PEX5L: variants seen among roughly 807,000 people sequenced by gnomAD.
PEX5L encodes the protein PEX5-related protein.
PEX5L carries 30 observed loss-of-function variants against 84.0 expected under a neutral mutation model. The ratio of observed to expected loss-of-function variants is 0.36; its 90% CI spans 0.27 to 0.48. The LOEUF is 0.48. Ranked by LOEUF, PEX5L falls within the 20% of genes least tolerant of loss-of-function variation. PEX5L has a pLI of 0.99. For missense variants in PEX5L, 533 were observed against 754.6 expected, an observed-to-expected ratio of 0.71 and a Z score of 3.44; for synonymous variants, 270 against 283.1, an observed-to-expected ratio of 0.95 and a Z score of 0.46.
At chr3:179,871,558 T>C (rs1003979708) in intron 7 of PEX5L, among the ~76,000 whole-genome samples, 1 of 152,234 alleles carries the variant, frequency 6.6e-6, no homozygotes, top group Non-Finnish European at 1.5e-5. Context: ...GGCCTAAAGA[T>C]TTCTCTGTAC....
At chr3:180,018,994 A>C (rs1032510787) in intron 1 of PEX5L, among the ~76,000 whole-genome samples, 3 of 152,208 alleles carry the variant, frequency 2.0e-5, no homozygotes, top group African/African-American at 4.8e-5. Flanking sequence ...TTTATTTCAC[A>C]ATCAGGTGTG....
At chr3:179,991,488 GC>G (rs1787370338) in intron 1 of PEX5L, among the ~76,000 whole-genome samples, 1 of 152,112 alleles carries the variant, frequency 6.6e-6, no homozygotes, top group African/African-American at 2.4e-5. Flanking sequence ...TTCCTGAGCT[GC>G]CCAAGGTCTC....
intron 3 of PEX5L, among the ~76,000 whole-genome samples, chr3:179,896,493 C>G (rs1039398906): frequency 6.6e-6 from 1 of 152,056 alleles, no homozygotes. Context: ...ATCACAATTT[C>G]TTTTCTAAAT....
intron 1 of PEX5L, among the ~76,000 whole-genome samples, chr3:180,024,156 G>T (rs1294727017): frequency 6.6e-6 from 1 of 151,706 alleles, no homozygotes; most frequent in Non-Finnish European, 1.5e-5. Flanking sequence ...CTTTTAGAAA[G>T]ACCTCTGTGT....
At chr3:179,825,686 G>T (rs1730217948) in intron 8 of PEX5L, among the ~76,000 whole-genome samples, 1 of 152,144 alleles carries the variant, frequency 6.6e-6, no homozygotes, top group South Asian at 2.1e-4. Context: ...GGTAAAACAG[G>T]CTGTAATTCT....
chr3:179,994,116 G>GA (rs1419980393), intron 1 of PEX5L, among the ~76,000 whole-genome samples: 2 of 152,092 alleles, frequency 1.3e-5, no homozygotes, highest in African/African-American at 4.8e-5. Flanking sequence ...TCTAATGGTG[G>GA]ACATTCAGGT....
At chr3:179,971,997 T>A (rs1356407341) in intron 1 of PEX5L, among the ~76,000 whole-genome samples, 1 of 152,180 alleles carries the variant, frequency 6.6e-6, no homozygotes, top group Admixed American at 6.5e-5. Context: ...TGAAGAGCCT[T>A]AGCACATTTT....
rs1371020099 is a variant in PEX5L, at chr3:179,799,474, A to G, written c.*2354T>C. ...GTTTGTGTTCCAATAGCAAAATAAA[A>G]CTTGGGCCACAAAATTTGCCACCAT... On this transcript the variant is annotated 3_prime_UTR_variant, in exon 15 of 15. Coordinates refer to ENST00000467460, the MANE Select transcript of PEX5L (RefSeq NM_016559.3). 1.3e-5 allele frequency: 2 copies of G among 152,126 alleles called. No homozygotes were observed. Among genetic ancestry groups the G allele is most frequent in the Admixed American group, 6.5e-5 (1 of 15,280 alleles). The allele number at this position is 152,126 out of a possible 1,614,324, so 9.4% of individuals were successfully genotyped here.
At chr3:179,911,430 T>C (rs368165163) in intron 2 of PEX5L, among the ~76,000 whole-genome samples, 61 of 151,940 alleles carry the variant, frequency 4.0e-4, no homozygotes, top group African/African-American at 1.5e-3. Flanking sequence ...ATCTTTTTTT[T>C]CTCTAAGTTG....
chr3:179,820,961 G>A (rs1034618800), intron 8 of PEX5L, among the ~76,000 whole-genome samples: 1 of 152,202 alleles, frequency 6.6e-6, no homozygotes, highest in African/African-American at 2.4e-5. Context: ...AAACGAGCTT[G>A]ATATCAGAGA....
chr3:180,024,221 C>T (rs1790691084), intron 1 of PEX5L, among the ~76,000 whole-genome samples: 2 of 151,470 alleles, frequency 1.3e-5, no homozygotes, highest in Non-Finnish European at 2.9e-5. Context: ...AGAATCACTC[C>T]TCCGTATTTC....
chr3:179,953,649 C>T (rs562977899), intron 2 of PEX5L, among the ~76,000 whole-genome samples: 1 of 152,050 alleles, frequency 6.6e-6, no homozygotes, highest in Non-Finnish European at 1.5e-5. Context: ...TTCCATGATG[C>T]TGTAGGGAAC....
chr3:179,951,595 G>A (rs1779104965), intron 2 of PEX5L, among the ~76,000 whole-genome samples: 1 of 152,162 alleles, frequency 6.6e-6, no homozygotes, highest in Non-Finnish European at 1.5e-5. Flanking sequence ...TGAGGACTAG[G>A]TCCTCTTCTA....
intron 7 of PEX5L, among the ~76,000 whole-genome samples, chr3:179,861,350 C>A (rs1746058923): frequency 6.6e-6 from 1 of 152,202 alleles, no homozygotes; most frequent in Non-Finnish European, 1.5e-5. Context: ...TGAAAGGGGT[C>A]TTGTTTTTTG....
rs1718264606 is a variant in PEX5L, at chr3:179,799,625, T to A, written c.*2203A>T. Reference sequence around the variant, plus strand: ...CACTTACAAAGTTTGCTTTGAATCCTTTGTTCAGAGGCTATTCAATCCTTT... The same window carrying A: ...CACTTACAAAGTTTGCTTTGAATCCATTGTTCAGAGGCTATTCAATCCTTT... On this transcript the variant is annotated 3_prime_UTR_variant, in exon 15 of 15. Transcript: ENST00000467460. The A allele has an allele frequency of 6.6e-6, 1 of 152,242 alleles. No homozygotes were observed. The highest frequency in any genetic ancestry group is 2.1e-4 in the South Asian group (1 of 4,828). 9.4% of individuals were successfully genotyped at this position (152,242 alleles called of 1,614,324 possible). A position where few individuals can be genotyped will look rare whatever the true frequency, so the allele number is the denominator to read the frequency against.
intron 8 of PEX5L, among the ~76,000 whole-genome samples, chr3:179,851,024 A>G (rs1741634327): frequency 6.6e-6 from 1 of 152,244 alleles, no homozygotes; most frequent in Non-Finnish European, 1.5e-5. Context: ...TAGTATATAC[A>G]CTGGGAATAA....
intron 4 of PEX5L, among the ~76,000 whole-genome samples, chr3:179,884,969 AT>A (rs536442189): frequency 2.8e-4 from 42 of 151,726 alleles, no homozygotes; most frequent in Admixed American, 7.2e-4. Flanking sequence ...TATTTCCTAA[AT>A]TTTTTTTATT....
rs138925829 is a variant in PEX5L, at chr3:179,845,790, G to A, written c.822+13272C>T. Among the ~76,000 whole-genome samples, 811 of 152,276 alleles carry A rather than the reference G, an allele frequency of 5.3e-3. 2 individuals are homozygous for A. The highest frequency in any genetic ancestry group is 8.4e-3 in the Non-Finnish European group (569 of 68,022). ...ATGGGTTGGGCCCTATAAATCCCTG[G>A]TATGAGGCCCAAACTTTAACATGGC... On this transcript the variant is annotated intron_variant, in intron 8 of 14. Transcript: ENST00000467460.
chr3:179,860,806 C>T (rs2108550586), intron 7 of PEX5L, among the ~76,000 whole-genome samples: 1 of 152,328 alleles, frequency 6.6e-6, no homozygotes, highest in South Asian at 2.1e-4. Flanking sequence ...TGTTGAGATA[C>T]AGAGAGCTTA....
Sources: gnomAD v4.1 joint callset for allele counts (sites outside exome capture counted in the v4.1 genomes callset) on GRCh38, gnomAD v4.1.1 for gene constraint, MANE v1.5 for transcripts, NCBI Gene and HGNC (gene_info 2026-07-23, HGNC 2026-07-21) for gene names.